LRFN5: variants seen among roughly 807,000 people sequenced by gnomAD.
LRFN5 encodes leucine rich repeat and fibronectin type III domain containing 5.
In LRFN5, 24 loss-of-function variants were observed where a neutral mutation model predicts 45.6. The observed-to-expected ratio is 0.53, with a 90% CI of 0.38 to 0.74. LRFN5 has a LOEUF of 0.74. Ranked by LOEUF, LRFN5 falls within the 30% of genes least tolerant of loss-of-function variation. The probability of loss-of-function intolerance (pLI) is 0.00; values close to 1 mark genes in which losing one functional copy is unlikely to be tolerated. For missense variants in LRFN5, 776 were observed against 861.5 expected (o/e 0.90, Z 1.24); for synonymous variants, 340 against 313.8 (o/e 1.08, Z -0.88).
chr14:41,766,192 A>G (rs969040234), intron 1 of LRFN5, among the ~76,000 whole-genome samples: 2 of 152,174 alleles, frequency 1.3e-5, no homozygotes, highest in African/African-American at 4.8e-5. Context: ...AATTTGTACT[A>G]TTACATAGTA....
At chr14:41,830,651 A>C (rs573269522) in intron 2 of LRFN5, among the ~76,000 whole-genome samples, 1 of 152,130 alleles carries the variant, frequency 6.6e-6, no homozygotes, top group Non-Finnish European at 1.5e-5. Flanking sequence ...AGAAACTAGC[A>C]CTCCTGCAGT....
intron 1 of LRFN5, among the ~76,000 whole-genome samples, chr14:41,618,926 AT>A: frequency 6.6e-6 from 1 of 152,092 alleles, no homozygotes; most frequent in East Asian, 1.9e-4. Context: ...AGTAGGTAAA[AT>A]TTTCTGTGAT....
chr14:41,855,751 C>T (rs1566485823), intron 2 of LRFN5, among the ~76,000 whole-genome samples: 1 of 152,090 alleles, frequency 6.6e-6, no homozygotes, highest in Non-Finnish European at 1.5e-5. Flanking sequence ...TTTTGATTCA[C>T]CTATAACAAT....
intron 2 of LRFN5, among the ~76,000 whole-genome samples, chr14:41,854,898 A>C (rs571437549): frequency 1.3e-5 from 2 of 152,242 alleles, no homozygotes; most frequent in Non-Finnish European, 2.9e-5. Flanking sequence ...CTTCATAAAT[A>C]GTATGCACTT....
In LRFN5 at chr14:41,898,232, G is replaced by A. The variant is rs553978482; in HGVS notation, c.2099-685G>A. 2.6e-5 allele frequency among the ~76,000 whole-genome samples: 4 copies of A among 151,988 alleles called. No individual in the cohort carries two copies. The South Asian group carries it at 6.2e-4, about 24-fold the overall frequency. On this transcript the variant is annotated intron_variant, in intron 4 of 5. Transcript: ENST00000298119. ...ATGTGTCACTTCTCAATGATTAAAC[G>A]TATTTGCTTAAAAGGAAGGCATTTT...
chr14:41,783,971 G>T (rs1272083100), intron 2 of LRFN5, among the ~76,000 whole-genome samples: 2 of 152,002 alleles, frequency 1.3e-5, no homozygotes, highest in African/African-American at 4.8e-5. Flanking sequence ...TACTCTTAAT[G>T]CTGCTTTCCA....
At chr14:41,861,426 T>C (rs1023358329) in intron 2 of LRFN5, among the ~76,000 whole-genome samples, 4 of 152,242 alleles carry the variant, frequency 2.6e-5, no homozygotes, top group Non-Finnish European at 4.4e-5. Flanking sequence ...CCTATGTTAT[T>C]CAACAGGTTA....
At chr14:41,759,069 C>T (rs1269369243) in intron 1 of LRFN5, among the ~76,000 whole-genome samples, 6 of 152,170 alleles carry the variant, frequency 3.9e-5, no homozygotes, top group East Asian at 1.9e-4. Flanking sequence ...ATCTAAGACA[C>T]GTGGTACATC....
intron 1 of LRFN5, among the ~76,000 whole-genome samples, chr14:41,713,693 C>A (rs907215838): frequency 3.9e-5 from 6 of 152,002 alleles, no homozygotes; most frequent in African/African-American, 1.2e-4. Flanking sequence ...TTCAAATATA[C>A]CATATTGGCA....
chr14:41,867,839 T>C (rs927097971), intron 2 of LRFN5, among the ~76,000 whole-genome samples: 7 of 151,434 alleles, frequency 4.6e-5, no homozygotes, highest in Non-Finnish European at 1.0e-4. Flanking sequence ...CTTTGTCTTA[T>C]GCTAACTGGG....
At chr14:41,829,444 G>A (rs1888404258) in intron 2 of LRFN5, among the ~76,000 whole-genome samples, 1 of 151,942 alleles carries the variant, frequency 6.6e-6, no homozygotes, top group African/African-American at 2.4e-5. Context: ...AATTTATGAT[G>A]AGATGAGCAA....
chr14:41,670,859 A>T (rs1407620381), intron 1 of LRFN5, among the ~76,000 whole-genome samples: 1 of 152,064 alleles, frequency 6.6e-6, no homozygotes, highest in Non-Finnish European at 1.5e-5. Context: ...ATTCTGTTAC[A>T]TTACACTACA....
At chr14:41,781,605 AAAGAAAGAAAGAGAAAG>A (rs1886511136) in intron 2 of LRFN5, among the ~76,000 whole-genome samples, 1 of 97,584 alleles carries the variant, frequency 1.0e-5, no homozygotes, top group African/African-American at 5.0e-5. Context: ...AGAAAGAAAG[AAAGAAAGAAAGAGAAAG>A]AAAGAAAGAA....
intron 1 of LRFN5, among the ~76,000 whole-genome samples, chr14:41,727,036 A>G (rs1018580008): frequency 6.6e-6 from 1 of 152,184 alleles, no homozygotes; most frequent in Non-Finnish European, 1.5e-5. Context: ...AAACTTGTGC[A>G]CTATGCAATT....
chr14:41,669,607 G>GGGAA (rs992607306), intron 1 of LRFN5, among the ~76,000 whole-genome samples: 5 of 151,718 alleles, frequency 3.3e-5, no homozygotes, highest in African/African-American at 1.2e-4. Context: ...TGTCGCTTGT[G>GGGAA]GGAATGTAAG....
At chr14:41,854,787 A>G (rs1410366918) in intron 2 of LRFN5, among the ~76,000 whole-genome samples, 1 of 152,176 alleles carries the variant, frequency 6.6e-6, no homozygotes, top group Non-Finnish European at 1.5e-5. Context: ...GTTTTAAAAG[A>G]GAATCAAAGG....
In LRFN5 at chr14:41,904,284, G is replaced by C. The variant is rs182543688; in HGVS notation, c.*109G>C. On this transcript the variant is annotated 3_prime_UTR_variant, in exon 6 of 6. Transcript: ENST00000298119. ...AAAGGCTAATTGTTGAACTGGTGTC[G>C]TAGAAGAAATTGTCTACAGGAGCCA... The C allele has an allele frequency of 2.0e-5, 27 of 1,321,646 alleles. No homozygotes were observed. In the African/African-American group the frequency reaches 3.3e-4, roughly 16 times the overall value. 81.9% of individuals were successfully genotyped at this position (1,321,646 alleles called of 1,614,324 possible). A position where few individuals can be genotyped will look rare whatever the true frequency, so the allele number is the denominator to read the frequency against.
At chr14:41,667,982 T>C (rs1012588170) in intron 1 of LRFN5, among the ~76,000 whole-genome samples, 8 of 152,178 alleles carry the variant, frequency 5.3e-5, no homozygotes, top group Admixed American at 2.6e-4. Context: ...CATTTTGTTA[T>C]TGCACAGCTG....
At chr14:41,808,940 A>C (rs1010562064) in intron 2 of LRFN5, among the ~76,000 whole-genome samples, 2 of 152,088 alleles carry the variant, frequency 1.3e-5, no homozygotes, top group African/African-American at 4.8e-5. Context: ...TTACTTGATC[A>C]GTTATTCATT....
Sources: gnomAD v4.1 joint callset for allele counts (sites outside exome capture counted in the v4.1 genomes callset) on GRCh38, gnomAD v4.1.1 for gene constraint, MANE v1.5 for transcripts, NCBI Gene and HGNC (gene_info 2026-07-23, HGNC 2026-07-21) for gene names.